The following CDH18 variants were observed in gnomAD, a reference collection of about 807,000 sequenced individuals.
CDH18 encodes cadherin-18.
A neutral mutation model predicts 67.9 loss-of-function variants in CDH18; 31 were observed. The ratio of observed to expected loss-of-function variants is 0.46; its 90% CI spans 0.34 to 0.62. The LOEUF is 0.62. Ranked by LOEUF, CDH18 falls within the 20% of genes least tolerant of loss-of-function variation. The pLI is 0.01. For synonymous variants in CDH18, 362 were observed against 347.2 expected, an observed-to-expected ratio of 1.04 and a Z score of -0.48; for missense variants, 890 against 975.5, an observed-to-expected ratio of 0.91 and a Z score of 1.17.
chr5:19,689,987 T>C (rs987288208), intron 5 of CDH18, among the ~76,000 whole-genome samples: 2 of 151,386 alleles, frequency 1.3e-5, no homozygotes, highest in Non-Finnish European at 3.0e-5. Context: ...AAACAGGCTA[T>C]AAGTCAAACA....
chr5:20,309,055 T>A (rs1286091146), intron 1 of CDH18, among the ~76,000 whole-genome samples: 12 of 152,230 alleles, frequency 7.9e-5, no homozygotes, highest in Non-Finnish European at 8.8e-5. Context: ...CTGGGAATTA[T>A]AATAAGAAAA....
intron 3 of CDH18, among the ~76,000 whole-genome samples, chr5:19,785,872 T>A (rs376080428): frequency 1.3e-5 from 2 of 150,980 alleles, no homozygotes; most frequent in South Asian, 4.2e-4. Context: ...TGGTAGTTAT[T>A]GTTAAAATCT....
At chr5:20,279,632 G>C (rs1256120568) in intron 1 of CDH18, among the ~76,000 whole-genome samples, 1 of 141,496 alleles carries the variant, frequency 7.1e-6, no homozygotes, top group Non-Finnish European at 1.5e-5. Context: ...CTGGGAGGTG[G>C]AGGTTGCAGT....
chr5:20,032,303 A>G (rs1265152389), intron 2 of CDH18, among the ~76,000 whole-genome samples: 1 of 151,502 alleles, frequency 6.6e-6, no homozygotes, highest in Non-Finnish European at 1.5e-5. Context: ...ACTGTCCCTG[A>G]CTTTAGTTTC....
intron 1 of CDH18, among the ~76,000 whole-genome samples, chr5:20,256,463 G>A (rs1744240842): frequency 6.6e-6 from 1 of 152,000 alleles, no homozygotes; most frequent in Admixed American, 6.6e-5. Flanking sequence ...TTAGGAGTAT[G>A]TCAGTCATTC....
chr5:19,653,597 C>A (rs1156947517), intron 5 of CDH18, among the ~76,000 whole-genome samples: 1 of 152,164 alleles, frequency 6.6e-6, no homozygotes, highest in Admixed American at 6.5e-5. Flanking sequence ...TCAAAGAAAT[C>A]TGGCACTTCT....
intron 2 of CDH18, among the ~76,000 whole-genome samples, chr5:19,963,446 G>C (rs1797111725): frequency 6.6e-6 from 1 of 152,024 alleles, no homozygotes; most frequent in South Asian, 2.1e-4. Context: ...CACTTGTCAT[G>C]GGAGGGATCT....
intron 2 of CDH18, among the ~76,000 whole-genome samples, chr5:20,051,345 T>C (rs72743019): frequency 1.3e-3 from 193 of 152,068 alleles, no homozygotes; most frequent in Non-Finnish European, 2.2e-3. Context: ...ATTGTGATGA[T>C]AGCAGTCAGT....
rs989276400 is a variant in CDH18, at chr5:19,471,296, T to C, written c.*1930A>G. Among the ~76,000 whole-genome samples the C allele has an allele frequency of 1.3e-5, 2 of 152,108 alleles. No homozygotes were observed. The highest frequency in any genetic ancestry group is 4.8e-5 in the African/African-American group (2 of 41,444). On this transcript the variant is annotated 3_prime_UTR_variant, in exon 13 of 13. Coordinates refer to ENST00000382275, the MANE Select transcript of CDH18 (RefSeq NM_004934.5). ...TAAAGCAGCATCTGGAAAACTAAAATGTCGTAAAAAGCTTAAATTACATTT... is the reference window on the plus strand; with the variant it reads ...TAAAGCAGCATCTGGAAAACTAAAACGTCGTAAAAAGCTTAAATTACATTT...
intron 2 of CDH18, among the ~76,000 whole-genome samples, chr5:19,942,637 C>T (rs1579716591): frequency 6.6e-6 from 1 of 152,234 alleles, no homozygotes; most frequent in South Asian, 2.1e-4. Flanking sequence ...AAATGAATTC[C>T]ACAAGCTGAT....
intron 1 of CDH18, among the ~76,000 whole-genome samples, chr5:20,307,763 TA>T (rs1561958153): frequency 2.9e-5 from 4 of 137,222 alleles, no homozygotes; most frequent in African/African-American, 1.5e-4. Flanking sequence ...ATTGTGTGAT[TA>T]TTATTAAAAA....
intron 2 of CDH18, among the ~76,000 whole-genome samples, chr5:20,176,385 A>C: frequency 6.6e-6 from 1 of 152,214 alleles, no homozygotes; most frequent in East Asian, 1.9e-4. Flanking sequence ...TAAAATACAA[A>C]TCAACCCTTG....
intron 1 of CDH18, among the ~76,000 whole-genome samples, chr5:20,456,190 G>A (rs889472268): frequency 4.6e-5 from 7 of 152,048 alleles, no homozygotes; most frequent in African/African-American, 1.7e-4. Context: ...CTCACGACAT[G>A]TAAATATTTG....
intron 2 of CDH18, among the ~76,000 whole-genome samples, chr5:20,049,685 G>A (rs888750119): frequency 6.6e-6 from 1 of 151,604 alleles, no homozygotes; most frequent in African/African-American, 2.4e-5. Flanking sequence ...TCGTAATAAT[G>A]GATCTCAATG....
chr5:19,774,002 G>A (rs991231510), intron 3 of CDH18, among the ~76,000 whole-genome samples: 1 of 152,064 alleles, frequency 6.6e-6, no homozygotes, highest in East Asian at 1.9e-4. Context: ...GAATTCTGAG[G>A]GACTCTACTA....
intron 1 of CDH18, among the ~76,000 whole-genome samples, chr5:20,333,518 AC>A (rs1739387574): frequency 1.7e-5 from 2 of 115,658 alleles, no homozygotes; most frequent in African/African-American, 3.4e-5. Context: ...AAAAAAAAAA[AC>A]AATATATATA....
chr5:20,151,452 A>C (rs1238822743), intron 2 of CDH18, among the ~76,000 whole-genome samples: 1 of 152,134 alleles, frequency 6.6e-6, no homozygotes, highest in Admixed American at 6.5e-5. Flanking sequence ...ATGAACATAC[A>C]TATGCATGTG....
intron 3 of CDH18, among the ~76,000 whole-genome samples, chr5:19,755,625 C>T (rs1771509189): frequency 6.8e-6 from 1 of 146,506 alleles, no homozygotes; most frequent in Non-Finnish European, 1.5e-5. Flanking sequence ...CATATATCTC[C>T]TATATAAATA....
intron 4 of CDH18, among the ~76,000 whole-genome samples, chr5:19,724,987 C>T (rs1381772726): frequency 6.7e-6 from 1 of 148,420 alleles, no homozygotes; most frequent in Non-Finnish European, 1.5e-5. Context: ...AGTGCAGTGG[C>T]ACTATCTGGG....
Sources: gnomAD v4.1 joint callset for allele counts (sites outside exome capture counted in the v4.1 genomes callset) on GRCh38, gnomAD v4.1.1 for gene constraint, MANE v1.5 for transcripts, NCBI Gene and HGNC (gene_info 2026-07-23, HGNC 2026-07-21) for gene names.